The following MDGA2 variants were observed in gnomAD, a reference collection of about 807,000 sequenced individuals.
MDGA2 encodes the protein MAM domain containing glycosylphosphatidylinositol anchor 2.
MDGA2 carries 40 observed loss-of-function variants against 117.8 expected under a neutral mutation model. The ratio of observed to expected loss-of-function variants is 0.34; its 90% CI spans 0.26 to 0.44. The LOEUF (loss-of-function observed/expected upper bound fraction) is 0.44. Among genes scored for constraint, MDGA2 ranks in the 20% least tolerant of loss-of-function variants. MDGA2 has a pLI of 1.00. For synonymous variants in MDGA2, 452 were observed against 439.0 expected, an observed-to-expected ratio of 1.03 and a Z score of -0.37; for missense variants, 1,123 against 1,250.6, an observed-to-expected ratio of 0.90 and a Z score of 1.54.
rs1880624203 is a variant in MDGA2 at position 46,841,828 on chromosome 14, G to A, written c.*103C>T. Reference sequence around the variant, plus strand: ...TATTTTATTTTTGAGTCAGTAGTCAGTGGAGGAATCTTTGGTAGTTTGTTT... The same window carrying A: ...TATTTTATTTTTGAGTCAGTAGTCAATGGAGGAATCTTTGGTAGTTTGTTT... On this transcript the variant is annotated 3_prime_UTR_variant, in exon 17 of 17. Coordinates refer to ENST00000399232, the MANE Select transcript of MDGA2 (RefSeq NM_001113498.3). 2 of 770,902 alleles carry A rather than the reference G, an allele frequency of 2.6e-6. No individual in the cohort carries two copies. Among genetic ancestry groups the A allele is most frequent in the Non-Finnish European group, 4.2e-6 (2 of 479,114 alleles). The allele number at this position is 770,902 out of a possible 1,614,324, so 47.8% of individuals were successfully genotyped here.
chr14:47,301,802 T>C (rs1388778641), intron 1 of MDGA2, among the ~76,000 whole-genome samples: 1 of 152,150 alleles, frequency 6.6e-6, no homozygotes, highest in Non-Finnish European at 1.5e-5. Flanking sequence ...TCACCATCAA[T>C]ACAAGACCAC....
chr14:47,355,760 A>T (rs1031428388), intron 1 of MDGA2, among the ~76,000 whole-genome samples: 4 of 152,302 alleles, frequency 2.6e-5, no homozygotes, highest in African/African-American at 9.6e-5. Flanking sequence ...TCACTTCCAC[A>T]GCCAAAGTAC....
At chr14:47,066,688 G>A (rs1594584081) in intron 6 of MDGA2, among the ~76,000 whole-genome samples, 1 of 150,964 alleles carries the variant, frequency 6.6e-6, no homozygotes, top group Admixed American at 6.6e-5. Context: ...GAGCAAATAT[G>A]GATAATTACT....
chr14:47,644,213 A>G (rs1428495923), intron 1 of MDGA2, among the ~76,000 whole-genome samples: 2 of 152,186 alleles, frequency 1.3e-5, no homozygotes, highest in African/African-American at 4.8e-5. Flanking sequence ...TGGCAAAGAG[A>G]ACTTTGAAAA....
chr14:46,916,423 T>TA (rs541791257), intron 10 of MDGA2, among the ~76,000 whole-genome samples: 2,741 of 144,188 alleles, frequency 0.019, 69 homozygotes, highest in African/African-American at 0.057. Context: ...CTTTAGAATG[T>TA]AAAAAAAAAA....
intron 1 of MDGA2, among the ~76,000 whole-genome samples, chr14:47,307,205 G>A (rs866105783): frequency 8.6e-5 from 13 of 151,948 alleles, no homozygotes; most frequent in Non-Finnish European, 1.9e-4. Context: ...TCCTATCTGA[G>A]TTTCTGGTTT....
At chr14:47,014,387 T>G (rs889382001) in intron 8 of MDGA2, among the ~76,000 whole-genome samples, 6 of 152,138 alleles carry the variant, frequency 3.9e-5, no homozygotes, top group Admixed American at 6.5e-5. Flanking sequence ...TCCTTTGAAG[T>G]TTTGAAGCCA....
At chr14:47,471,918 T>C (rs76734412) in intron 1 of MDGA2, among the ~76,000 whole-genome samples, 1 of 152,266 alleles carries the variant, frequency 6.6e-6, no homozygotes, top group African/African-American at 2.4e-5. Context: ...CTTGTACAAA[T>C]AGAATGTTTA....
At chr14:46,980,221 C>A (rs896351487) in intron 8 of MDGA2, among the ~76,000 whole-genome samples, 1 of 152,152 alleles carries the variant, frequency 6.6e-6, no homozygotes, top group Non-Finnish European at 1.5e-5. Context: ...TTGATCCCAA[C>A]ACTCATGGAA....
At chr14:47,182,012 A>C (rs1026872358) in intron 3 of MDGA2, among the ~76,000 whole-genome samples, 2 of 152,156 alleles carry the variant, frequency 1.3e-5, no homozygotes, top group African/African-American at 4.8e-5. Context: ...CTGATGAACT[A>C]ATCAAATAGT....
At position 47,501,629 on chromosome 14, in the gene MDGA2, A is replaced by T. The variant is rs116383221; in HGVS notation, c.280+172888T>A. Among the ~76,000 whole-genome samples the T allele has an allele frequency of 9.5e-3, 1,452 of 152,322 alleles. 25 individuals carry two copies. Among genetic ancestry groups the T allele is most frequent in the African/African-American group, 0.033 (1,390 of 41,578 alleles). ...ATTAACCTCAAGTTAAAATTAGGTC[A>T]TTAGAGTGGGCCTTTATCCAGTATG... is the stretch of plus-strand genomic sequence containing the variant. On this transcript the variant is annotated intron_variant, in intron 1 of 16. Transcript: ENST00000399232.
At chr14:46,896,902 A>G (rs1462972623) in intron 10 of MDGA2, among the ~76,000 whole-genome samples, 1 of 152,170 alleles carries the variant, frequency 6.6e-6, no homozygotes, top group African/African-American at 2.4e-5. Context: ...GTGTGGTCAT[A>G]TGACCTAGTC....
At chr14:47,594,892 G>C (rs1896506680) in intron 1 of MDGA2, among the ~76,000 whole-genome samples, 2 of 152,144 alleles carry the variant, frequency 1.3e-5, no homozygotes, top group Admixed American at 1.3e-4. Context: ...GTATGGTGTA[G>C]ATCACAAATT....
At chr14:47,063,002 G>A (rs1889947904) in intron 6 of MDGA2, among the ~76,000 whole-genome samples, 2 of 151,924 alleles carry the variant, frequency 1.3e-5, no homozygotes, top group Non-Finnish European at 2.9e-5. Flanking sequence ...CCACTAGGCT[G>A]GGTTCTGACT....
intron 1 of MDGA2, among the ~76,000 whole-genome samples, chr14:47,537,614 A>C (rs1280777175): frequency 2.2e-5 from 3 of 136,326 alleles, no homozygotes; most frequent in South Asian, 2.5e-4. Context: ...AAAAAAAAAA[A>C]CTTAAAAATA....
intron 8 of MDGA2, among the ~76,000 whole-genome samples, chr14:46,974,811 A>G (rs918889636): frequency 1.3e-5 from 2 of 152,180 alleles, no homozygotes; most frequent in Non-Finnish European, 2.9e-5. Flanking sequence ...ATTTGGCAGT[A>G]ATTTTTTGGG....
chr14:47,538,167 G>A (rs1895262328), intron 1 of MDGA2, among the ~76,000 whole-genome samples: 3 of 152,162 alleles, frequency 2.0e-5, no homozygotes, highest in African/African-American at 7.2e-5. Context: ...TCGAATCTGT[G>A]CTAGCACGTT....
chr14:47,447,037 T>C (rs1893137450), intron 1 of MDGA2, among the ~76,000 whole-genome samples: 2 of 152,170 alleles, frequency 1.3e-5, no homozygotes, highest in African/African-American at 4.8e-5. Context: ...CCCACACTAT[T>C]CTCTTAAACC....
intron 5 of MDGA2, among the ~76,000 whole-genome samples, chr14:47,127,933 A>T (rs1728827295): frequency 6.6e-6 from 1 of 152,042 alleles, no homozygotes; most frequent in South Asian, 2.1e-4. Flanking sequence ...CTAACAAAAC[A>T]CTCTGGCTGA....
Sources: allele counts gnomAD v4.1 joint callset (sites outside exome capture counted in the v4.1 genomes callset), GRCh38; gene constraint gnomAD v4.1.1; transcripts MANE v1.5; gene names NCBI Gene and HGNC (gene_info 2026-07-23, HGNC 2026-07-21).